Variants in EMCN observed in about 807,000 individuals in gnomAD.
The protein encoded by EMCN is MUC-14.
EMCN carries 37 observed loss-of-function variants against 38.4 expected under a neutral mutation model. The observed-to-expected ratio is 0.96, with a 90% CI of 0.74 to 1.27. The LOEUF is 1.27. Among genes scored for constraint, EMCN ranks in the 50% most tolerant of loss-of-function variants. EMCN has a pLI of 0.00. For synonymous variants in EMCN, 95 were observed against 100.8 expected, an observed-to-expected ratio of 0.94 and a Z score of 0.35; for missense variants, 318 against 302.8, an observed-to-expected ratio of 1.05 and a Z score of -0.37.
chr4:100,483,888 AT>A (rs1265625294), intron 1 of EMCN, among the ~76,000 whole-genome samples: 4 of 152,198 alleles, frequency 2.6e-5, no homozygotes, highest in East Asian at 3.9e-4. Context: ...GTGAGATACT[AT>A]TTTTTTCCTC....
At chr4:100,465,291 T>A (rs930075961) in intron 4 of EMCN, 132 bp downstream of exon 4, 1 of 524,472 alleles carries the variant, frequency 1.9e-6, no homozygotes, top group African/African-American at 1.9e-5. Context: ...AAATGATTGT[T>A]CTATTGGGTA....
At chr4:100,514,743 T>C (rs1729710721) in intron 1 of EMCN, among the ~76,000 whole-genome samples, 1 of 152,090 alleles carries the variant, frequency 6.6e-6, no homozygotes, top group South Asian at 2.1e-4. Flanking sequence ...TAAATTCCCT[T>C]CCTCTAGAAC....
At chr4:100,424,908 G>A (rs1224469681) in intron 5 of EMCN, among the ~76,000 whole-genome samples, 2 of 151,904 alleles carry the variant, frequency 1.3e-5, no homozygotes, top group Non-Finnish European at 2.9e-5. Flanking sequence ...CTGTAGACAG[G>A]CTAAATGGCA....
At chr4:100,422,466 T>C (rs969406762) in intron 7 of EMCN, among the ~76,000 whole-genome samples, 3 of 152,098 alleles carry the variant, frequency 2.0e-5, no homozygotes, top group African/African-American at 7.2e-5. Context: ...GTATTCAGTC[T>C]TAGCACACAC....
intron 11 of EMCN, among the ~76,000 whole-genome samples, chr4:100,400,684 A>T (rs757417492): frequency 1.7e-4 from 26 of 152,128 alleles, no homozygotes; most frequent in Non-Finnish European, 3.8e-4. Flanking sequence ...GCATAGTTCA[A>T]CTGGTAAACA....
intron 4 of EMCN, among the ~76,000 whole-genome samples, chr4:100,462,144 T>C (rs1043889747): frequency 1.3e-5 from 2 of 152,148 alleles, no homozygotes; most frequent in Non-Finnish European, 2.9e-5. Context: ...AATGTAATAA[T>C]AAATTCTAAA....
rs913619664 is a variant in EMCN at position 100,397,544 on chromosome 4, A to T, written c.*869T>A. ...GAGATAATATCAATCAAATGAGTTA[A>T]TGAAAAATCATGATCCTATTATCTT... On this transcript the variant is annotated 3_prime_UTR_variant, in exon 12 of 12. Coordinates refer to ENST00000296420, the MANE Select transcript of EMCN (RefSeq NM_016242.4). The T allele has an allele frequency of 1.3e-5, 2 of 152,206 alleles. No individual in the cohort carries two copies. Among genetic ancestry groups the T allele is most frequent in the African/African-American group, 4.8e-5 (2 of 41,458 alleles). 9.4% of individuals were successfully genotyped at this position (152,206 alleles called of 1,614,324 possible).
At chr4:100,425,048 A>T (rs1055946806) in intron 5 of EMCN, among the ~76,000 whole-genome samples, 4 of 151,964 alleles carry the variant, frequency 2.6e-5, no homozygotes, top group African/African-American at 9.7e-5. Context: ...TTAAGACTTC[A>T]TAGTGGAAAG....
intron 1 of EMCN, among the ~76,000 whole-genome samples, chr4:100,503,407 A>T (rs1224120288): frequency 6.6e-6 from 1 of 152,132 alleles, no homozygotes; most frequent in Non-Finnish European, 1.5e-5. Flanking sequence ...ATTTTGGCAC[A>T]ATTTGCAGTA....
At chr4:100,512,727 AC>A (rs1236660541) in intron 1 of EMCN, among the ~76,000 whole-genome samples, 1 of 149,180 alleles carries the variant, frequency 6.7e-6, no homozygotes, top group African/African-American at 2.5e-5. Flanking sequence ...AATCGCTTGA[AC>A]CCGGGATGCG....
rs541803298 is a variant in EMCN at position 100,419,997 on chromosome 4, T to C, written c.664+1285A>G. On this transcript the variant is annotated intron_variant, in intron 8 of 11. Coordinates refer to ENST00000296420, the MANE Select transcript of EMCN (RefSeq NM_016242.4). ...TAAACAAAGAATAATGCAGCTTATA[T>C]ACATTATAAAAATAATTGCTTTTTA... Among the ~76,000 whole-genome samples the C allele has an allele frequency of 3.9e-5, 6 of 152,274 alleles. No individual in the cohort carries two copies. The South Asian group carries it at 8.3e-4, about 21-fold the overall frequency.
At chr4:100,514,035 T>C (rs939682370) in intron 1 of EMCN, among the ~76,000 whole-genome samples, 2 of 152,092 alleles carry the variant, frequency 1.3e-5, no homozygotes, top group African/African-American at 4.8e-5. Flanking sequence ...ATTGCTTCTC[T>C]ATGTTATTAA....
chr4:100,476,359 C>T (rs1360977168), intron 2 of EMCN, among the ~76,000 whole-genome samples: 1 of 151,934 alleles, frequency 6.6e-6, no homozygotes, highest in Non-Finnish European at 1.5e-5. Context: ...GCATACCTCA[C>T]TGCAGAATCA....
intron 3 of EMCN, among the ~76,000 whole-genome samples, chr4:100,472,475 T>A (rs1018081390): frequency 6.6e-6 from 1 of 152,092 alleles, no homozygotes; most frequent in Non-Finnish European, 1.5e-5. Flanking sequence ...AAGACATTGA[T>A]AAACGGAAAG....
At chr4:100,400,184 C>T (rs1311690020) in intron 11 of EMCN, among the ~76,000 whole-genome samples, 1 of 152,090 alleles carries the variant, frequency 6.6e-6, no homozygotes, top group Non-Finnish European at 1.5e-5. Context: ...TACAAACAGA[C>T]ATTTTAAAAA....
At chr4:100,479,683 A>G (rs1339565496) in intron 2 of EMCN, among the ~76,000 whole-genome samples, 4 of 152,134 alleles carry the variant, frequency 2.6e-5, no homozygotes, top group Non-Finnish European at 5.9e-5. Context: ...CATTCACAAT[A>G]GAATCATTCT....
chr4:100,415,516 TGAC>T (rs1208813702), intron 10 of EMCN, among the ~76,000 whole-genome samples: 5 of 152,218 alleles, frequency 3.3e-5, no homozygotes, highest in African/African-American at 1.2e-4. Flanking sequence ...TTTTAACTGA[TGAC>T]CAGTTTTTTT....
chr4:100,505,090 A>C (rs1003085789), intron 1 of EMCN, among the ~76,000 whole-genome samples: 1 of 152,200 alleles, frequency 6.6e-6, no homozygotes, highest in Non-Finnish European at 1.5e-5. Context: ...CCCCCTGTCC[A>C]GTGGACATGT....
intron 11 of EMCN, among the ~76,000 whole-genome samples, chr4:100,400,524 C>T (rs1726228774): frequency 6.6e-6 from 1 of 151,994 alleles, no homozygotes; most frequent in Non-Finnish European, 1.5e-5. Context: ...TGTGTCTTTC[C>T]ACTTCTATAA....
Sources: gnomAD v4.1 joint callset for allele counts (sites outside exome capture counted in the v4.1 genomes callset) on GRCh38, gnomAD v4.1.1 for gene constraint, MANE v1.5 for transcripts, NCBI Gene and HGNC (gene_info 2026-07-23, HGNC 2026-07-21) for gene names.